The following TUSC3 variants were observed in gnomAD, a reference collection of about 807,000 sequenced individuals.
TUSC3 encodes the protein dolichyl-diphosphooligosaccharide--protein glycosyltransferase subunit TUSC3.
A neutral mutation model predicts 44.8 loss-of-function variants in TUSC3; 45 were observed. That is an observed-to-expected ratio of 1.00 (90% confidence interval 0.79 to 1.29). TUSC3 has a LOEUF of 1.29. Ranked by LOEUF, TUSC3 falls within the 50% of genes most tolerant of loss-of-function variation. The probability of loss-of-function intolerance (pLI) is 0.00; values close to 1 mark genes in which losing one functional copy is unlikely to be tolerated. For synonymous variants in TUSC3, 212 were observed against 152.9 expected, an observed-to-expected ratio of 1.39 and a Z score of -2.85; for missense variants, 519 against 437.9, an observed-to-expected ratio of 1.19 and a Z score of -1.65.
intron 9 of TUSC3, among the ~76,000 whole-genome samples, chr8:15,756,755 A>C (rs1811944637): frequency 6.6e-6 from 1 of 152,218 alleles, no homozygotes; most frequent in South Asian, 2.1e-4. Context: ...GATGCAGTCC[A>C]TACCAAATGA....
rs188231885 is a variant in TUSC3, at chr8:15,495,404, G to A, written n.189+11921G>A. ...TCTTCCTAGTATATAGTTTAAAACC[G>A]TGGAAATGACCTTCAGGTGAGTTCA... On this transcript the variant is annotated intron_variant and non_coding_transcript_variant, in intron 2 of 5. Coordinates refer to the TUSC3 transcript ENST00000503191. Among the ~76,000 whole-genome samples the A allele has an allele frequency of 1.4e-3, 212 of 152,206 alleles. 1 individual carries two copies. The highest frequency in any genetic ancestry group is 4.8e-3 in the African/African-American group (198 of 41,518).
At chr8:15,511,408 C>G (rs1347082848) in intron 2 of TUSC3, among the ~76,000 whole-genome samples, 1 of 152,060 alleles carries the variant, frequency 6.6e-6, no homozygotes, top group African/African-American at 2.4e-5. Flanking sequence ...AAAATAGTTA[C>G]TAGAAATATG....
intron 1 of TUSC3, among the ~76,000 whole-genome samples, chr8:15,541,011 G>T (rs1801670678): frequency 6.6e-6 from 1 of 152,174 alleles, no homozygotes; most frequent in African/African-American, 2.4e-5. Context: ...TGTGTTTTAA[G>T]TTACACTGTA....
chr8:15,486,665 G>C (rs188876754), intron 2 of TUSC3, among the ~76,000 whole-genome samples: 1 of 151,892 alleles, frequency 6.6e-6, no homozygotes, highest in Non-Finnish European at 1.5e-5. Context: ...GGCTGGTTTT[G>C]AGCTCCTGAC....
intron 6 of TUSC3, among the ~76,000 whole-genome samples, chr8:15,703,782 G>A (rs1044249909): frequency 6.6e-6 from 1 of 152,094 alleles, no homozygotes; most frequent in Non-Finnish European, 1.5e-5. Context: ...AGTCCCCCAT[G>A]ATCCAAACTC....
chr8:15,486,820 T>C (rs1479151657), intron 2 of TUSC3, among the ~76,000 whole-genome samples: 4 of 152,240 alleles, frequency 2.6e-5, no homozygotes, highest in Admixed American at 6.5e-5. Flanking sequence ...TATTCCTTTC[T>C]CATTGAAGCT....
chr8:15,743,478 A>G (rs1811278999), intron 7 of TUSC3, 60 bp from the exon 8 acceptor site: 2 of 1,569,662 alleles, frequency 1.3e-6, no homozygotes, highest in Admixed American at 1.7e-5. Flanking sequence ...GTTCAGAGCC[A>G]GAAAAATTAA....
At chr8:15,603,448 G>A (rs1804377605) in intron 1 of TUSC3, among the ~76,000 whole-genome samples, 1 of 151,720 alleles carries the variant, frequency 6.6e-6, no homozygotes, top group Admixed American at 6.6e-5. Context: ...GCAATATCTT[G>A]TAATTGGTTA....
At chr8:15,441,975 A>G (rs960158914) in intron 1 of TUSC3, among the ~76,000 whole-genome samples, 2 of 152,156 alleles carry the variant, frequency 1.3e-5, no homozygotes, top group Admixed American at 6.5e-5. Flanking sequence ...CAAAATAGCT[A>G]TTTGTTTCCC....
intron 1 of TUSC3, among the ~76,000 whole-genome samples, chr8:15,563,283 C>G (rs1000054752): frequency 1.3e-5 from 2 of 152,080 alleles, no homozygotes; most frequent in Non-Finnish European, 2.9e-5. Flanking sequence ...AGGTGAATCT[C>G]TATGTCTCTC....
At chr8:15,823,132 G>A in the TUSC3 span, among the ~76,000 whole-genome samples, 1 of 152,014 alleles carries the variant, frequency 6.6e-6, no homozygotes, top group Non-Finnish European at 1.5e-5. Context: ...TTTGCTTATG[G>A]TATCAGTCTT....
chr8:15,838,762 T>C, the TUSC3 span, among the ~76,000 whole-genome samples: 1 of 152,300 alleles, frequency 6.6e-6, no homozygotes, highest in East Asian at 1.9e-4. Context: ...TACTGTAGCC[T>C]TGTAGTATAG....
downstream of TUSC3, among the ~76,000 whole-genome samples, chr8:15,769,887 G>T (rs1276519276): frequency 1.3e-5 from 2 of 152,184 alleles, no homozygotes; most frequent in African/African-American, 4.8e-5. Context: ...TCGCCAGTTA[G>T]AATGGCGATC....
intron 1 of TUSC3, among the ~76,000 whole-genome samples, chr8:15,608,834 A>G (rs768521630): frequency 2.0e-5 from 3 of 152,172 alleles, no homozygotes; most frequent in Non-Finnish European, 2.9e-5. Context: ...TAAATTACCC[A>G]GTCTTGGATA....
intron 1 of TUSC3, among the ~76,000 whole-genome samples, chr8:15,593,776 C>T: frequency 6.6e-6 from 1 of 151,962 alleles, no homozygotes; most frequent in East Asian, 1.9e-4. Context: ...TTCTTTGATT[C>T]TTTATGCTCT....
chr8:15,460,703 G>T (rs1180234819), intron 1 of TUSC3, among the ~76,000 whole-genome samples: 1 of 152,130 alleles, frequency 6.6e-6, no homozygotes, highest in Non-Finnish European at 1.5e-5. Flanking sequence ...GTTGATTTTT[G>T]TGTAAGATGA....
intron 6 of TUSC3, among the ~76,000 whole-genome samples, chr8:15,714,935 C>A (rs1810000266): frequency 6.6e-6 from 1 of 152,052 alleles, no homozygotes; most frequent in African/African-American, 2.4e-5. Flanking sequence ...TAATTTTAAA[C>A]TGGATTATTT....
intron 7 of TUSC3, among the ~76,000 whole-genome samples, chr8:15,740,530 A>C (rs1687055504): frequency 1.3e-5 from 2 of 152,156 alleles, no homozygotes; most frequent in South Asian, 2.1e-4. Context: ...AAAAAAAAGA[A>C]CAAGCAGTGT....
the TUSC3 span, among the ~76,000 whole-genome samples, chr8:15,821,068 G>C: frequency 2.1e-3 from 315 of 152,102 alleles, 2 homozygotes; most frequent in African/African-American, 7.3e-3. Context: ...ATTTTTTGTA[G>C]AGTAAATCTG....
Sources: allele counts gnomAD v4.1 joint callset (sites outside exome capture counted in the v4.1 genomes callset), GRCh38; gene constraint gnomAD v4.1.1; transcripts MANE v1.5; gene names NCBI Gene and HGNC (gene_info 2026-07-23, HGNC 2026-07-21).